Variants in TNFRSF11A observed in about 807,000 individuals in gnomAD.
TNFRSF11A encodes the protein TNF receptor superfamily member 11a.
Under a neutral mutation model 55.7 loss-of-function variants are expected in TNFRSF11A, and 32 were observed. The ratio of observed to expected loss-of-function variants is 0.57; its 90% CI spans 0.43 to 0.77. The LOEUF (loss-of-function observed/expected upper bound fraction) is 0.77. Ranked by LOEUF, TNFRSF11A falls within the 30% of genes least tolerant of loss-of-function variation. TNFRSF11A has a pLI of 0.00. For missense variants in TNFRSF11A, 753 were observed against 809.8 expected (o/e 0.93, Z 0.85); for synonymous variants, 311 against 331.0 (o/e 0.94, Z 0.65).
chr18:62,325,497 G>A lies in TNFRSF11A; in HGVS notation c.75+70G>A, dbSNP rs907792806. 4.2e-5 allele frequency: 45 copies of A among 1,070,098 alleles called. No individual in the cohort carries two copies. The highest frequency in any genetic ancestry group is 1.1e-5 in the Non-Finnish European group (9 of 851,362). 66.3% of individuals were successfully genotyped at this position (1,070,098 alleles called of 1,614,324 possible). ...CTCGGGAGCCCCGGGAAGGGCCGGG[G>A]CCGGCGGCATCCTGGCTCCTCCGCC... On this transcript the variant is annotated intron_variant, in intron 1 of 9. Coordinates refer to ENST00000586569, the MANE Select transcript of TNFRSF11A (RefSeq NM_003839.4). The surrounding 1 kb of genome is among the most constrained non-coding windows in gnomAD (Gnocchi z 4.7).
intron 3 of TNFRSF11A, among the ~76,000 whole-genome samples, chr18:62,352,607 G>A (rs1248799227): frequency 1.3e-5 from 2 of 152,202 alleles, no homozygotes; most frequent in Admixed American, 6.5e-5. Context: ...TTTAAATTAT[G>A]TCAAAATTAT....
Position 62,390,278 on chromosome 18 carries a change from T to A in TNFRSF11A, c.*5244T>A, listed in dbSNP as rs1911948341. The A allele has an allele frequency of 6.6e-6, 1 of 152,272 alleles. No individual in the cohort carries two copies. Among genetic ancestry groups the A allele is most frequent in the Non-Finnish European group, 1.5e-5 (1 of 68,060 alleles). 9.4% of individuals were successfully genotyped at this position (152,272 alleles called of 1,614,324 possible). On this transcript the variant is annotated 3_prime_UTR_variant, in exon 10 of 10. Coordinates refer to ENST00000586569, the MANE Select transcript of TNFRSF11A (RefSeq NM_003839.4). ...GGTTGACCCAAAAGTTGTCATCTTCTGACATGACACACTGAGGGAAGTAGA... is the reference window on the plus strand; with the variant it reads ...GGTTGACCCAAAAGTTGTCATCTTCAGACATGACACACTGAGGGAAGTAGA...
intron 9 of TNFRSF11A, among the ~76,000 whole-genome samples, chr18:62,378,866 C>T (rs1911074699): frequency 6.6e-6 from 1 of 152,232 alleles, no homozygotes; most frequent in Non-Finnish European, 1.5e-5. Flanking sequence ...CTATTCTCTG[C>T]CCCACATTTC....
intron 1 of TNFRSF11A, among the ~76,000 whole-genome samples, chr18:62,342,401 C>CAAAAAAAAAAAAAAAA (rs371734407): frequency 0.024 from 1,520 of 62,184 alleles, 188 homozygotes; most frequent in Non-Finnish European, 0.041. Context: ...GATTCTGTCT[C>CAAAAAAAAAAAAAAAA]AAAAAAAAAA....
chr18:62,352,360 G>C (rs1283645668), intron 3 of TNFRSF11A, among the ~76,000 whole-genome samples: 1 of 152,208 alleles, frequency 6.6e-6, no homozygotes, highest in Non-Finnish European at 1.5e-5. Flanking sequence ...CAGAATTAGA[G>C]AATAAGTGTT....
At chr18:62,343,743 A>G (rs2046345747) in intron 1 of TNFRSF11A, among the ~76,000 whole-genome samples, 1 of 152,236 alleles carries the variant, frequency 6.6e-6, no homozygotes, top group Non-Finnish European at 1.5e-5. Flanking sequence ...AAAGCGAAGC[A>G]AGAGAAGTCA....
intron 3 of TNFRSF11A, among the ~76,000 whole-genome samples, chr18:62,352,224 A>G (rs2046484971): frequency 6.6e-6 from 1 of 152,238 alleles, no homozygotes; most frequent in Admixed American, 6.5e-5. Flanking sequence ...AACTACAATC[A>G]GACATTTCTC....
intron 6 of TNFRSF11A, among the ~76,000 whole-genome samples, chr18:62,360,766 T>C (rs979572088): frequency 3.9e-5 from 6 of 152,094 alleles, no homozygotes; most frequent in Non-Finnish European, 7.3e-5. Context: ...TAATCTTAAG[T>C]AGAGTTTCAG....
chr18:62,327,065 T>C (rs1240270287), intron 1 of TNFRSF11A, among the ~76,000 whole-genome samples: 1 of 152,004 alleles, frequency 6.6e-6, no homozygotes, highest in African/African-American at 2.4e-5. Context: ...AAGCATATGG[T>C]GAGTAAAGGA....
intron 1 of TNFRSF11A, among the ~76,000 whole-genome samples, chr18:62,334,262 C>T (rs568636257): frequency 6.6e-6 from 1 of 152,290 alleles, no homozygotes; most frequent in East Asian, 1.9e-4. Context: ...GGTCCATGTG[C>T]CAGTTGATCC....
chr18:62,333,003 A>T (rs1295781813), intron 1 of TNFRSF11A, among the ~76,000 whole-genome samples: 1 of 152,136 alleles, frequency 6.6e-6, no homozygotes, highest in Non-Finnish European at 1.5e-5. Context: ...GGGGTGTTTG[A>T]TCTGGTCCTG....
chr18:62,331,236 A>C (rs923421639), intron 1 of TNFRSF11A, among the ~76,000 whole-genome samples: 4 of 151,990 alleles, frequency 2.6e-5, no homozygotes, highest in Admixed American at 2.6e-4. Flanking sequence ...TAAATAAATA[A>C]ATAAATAAAT....
chr18:62,349,967 G>A, intron 3 of TNFRSF11A, 30 bp downstream of exon 3: 2 of 1,613,050 alleles, frequency 1.2e-6, no homozygotes, highest in Non-Finnish European at 1.7e-6. Flanking sequence ...GTGTCAGTGG[G>A]AAGTGTAGAA....
rs113120179 is a variant in TNFRSF11A, at chr18:62,338,726, T to C, written c.76-9442T>C. On this transcript the variant is annotated intron_variant, in intron 1 of 9. Coordinates refer to ENST00000586569, the MANE Select transcript of TNFRSF11A (RefSeq NM_003839.4). ...GATTCTATTTGGGGTGATGAGAATG[T>C]TCTGGAAATAGATAGTGGCAATCGT... Among the ~76,000 whole-genome samples the C allele has an allele frequency of 3.3e-5, 5 of 152,338 alleles. 1 individual carries two copies. The highest frequency in any genetic ancestry group is 1.2e-4 in the African/African-American group (5 of 41,576).
intron 4 of TNFRSF11A, among the ~76,000 whole-genome samples, chr18:62,355,846 G>A (rs1278437791): frequency 6.6e-6 from 1 of 152,172 alleles, no homozygotes; most frequent in Admixed American, 6.5e-5. Flanking sequence ...TTGTTTTTAT[G>A]TATGTAAGTG....
chr18:62,340,992 A>G (rs1316065247), intron 1 of TNFRSF11A, among the ~76,000 whole-genome samples: 1 of 152,284 alleles, frequency 6.6e-6, no homozygotes, highest in African/African-American at 2.4e-5. Context: ...CAAAAGAAAC[A>G]TGCCTGATAT....
intron 7 of TNFRSF11A, among the ~76,000 whole-genome samples, chr18:62,363,721 G>A (rs1038080540): frequency 4.6e-5 from 7 of 152,134 alleles, no homozygotes; most frequent in South Asian, 4.1e-4. Flanking sequence ...TTTATTTAGT[G>A]CAGCTTCACC....
rs1431769491 is a variant in TNFRSF11A, at chr18:62,387,039, GCTTTT to G, written c.*2010_*2014del. ...TGACTGTCATCTCACTGAGCACTTC[GCTTTT>G]CTTTGCTTTTATTTTTTCCTTCTAT... is the stretch of plus-strand genomic sequence containing the variant. On this transcript the variant is annotated 3_prime_UTR_variant, in exon 10 of 10. Coordinates refer to ENST00000586569, the MANE Select transcript of TNFRSF11A (RefSeq NM_003839.4). The G allele has an allele frequency of 6.6e-6, 1 of 152,056 alleles. No homozygotes were observed. Among genetic ancestry groups the G allele is most frequent in the African/African-American group, 2.4e-5 (1 of 41,368 alleles). The allele number at this position is 152,056 out of a possible 1,614,324, so 9.4% of individuals were successfully genotyped here.
intron 1 of TNFRSF11A, among the ~76,000 whole-genome samples, chr18:62,328,414 A>G (rs1031698696): frequency 2.7e-5 from 4 of 146,498 alleles, no homozygotes; most frequent in Non-Finnish European, 6.2e-5. Flanking sequence ...AATCTTACAG[A>G]AAGAAAGAAA....
Sources: gnomAD v4.1 joint callset for allele counts (sites outside exome capture counted in the v4.1 genomes callset) on GRCh38, gnomAD v4.1.1 for gene constraint, Gnocchi (gnomAD v3.1) non-coding constraint, MANE v1.5 for transcripts, NCBI Gene and HGNC (gene_info 2026-07-23, HGNC 2026-07-21) for gene names.